PARPBP: variants seen among roughly 807,000 people sequenced by gnomAD.
PARPBP encodes PCNA-interacting partner.
In PARPBP, 52 loss-of-function variants were observed where a neutral mutation model predicts 50.0. The ratio of observed to expected loss-of-function variants is 1.04; its 90% CI spans 0.83 to 1.31. The LOEUF (loss-of-function observed/expected upper bound fraction) is 1.31. Ranked by LOEUF, PARPBP falls within the 50% of genes most tolerant of loss-of-function variation. The pLI is 0.00. For synonymous variants in PARPBP, 244 were observed against 232.1 expected (o/e 1.05, Z -0.47); for missense variants, 697 against 672.0 (o/e 1.04, Z -0.41).
chr12:102,184,046 G>GAAAAAAAAAAAAAAAAAAAAAAAAA (rs71438459), intron 9 of PARPBP, among the ~76,000 whole-genome samples: 1 of 59,976 alleles, frequency 1.7e-5, no homozygotes, highest in African/African-American at 7.2e-5. Context: ...GACTCTATCT[G>GAAAAAAAAAAAAAAAAAAAAAAAAA]AAAAAAAAAA....
At chr12:102,137,668 C>T (rs912696201) in intron 2 of PARPBP, among the ~76,000 whole-genome samples, 21 of 151,892 alleles carry the variant, frequency 1.4e-4, no homozygotes, top group Middle Eastern at 3.4e-3. Flanking sequence ...CCCCACCCCA[C>T]GACAGGCCCC....
At chr12:102,193,376 G>A (rs2137476755) in intron 9 of PARPBP, among the ~76,000 whole-genome samples, 1 of 151,868 alleles carries the variant, frequency 6.6e-6, no homozygotes, top group Non-Finnish European at 1.5e-5. Flanking sequence ...TTTTATGGGT[G>A]GTGCTCATGA....
intron 4 of PARPBP, among the ~76,000 whole-genome samples, chr12:102,161,579 T>C (rs1036332477): frequency 2.0e-5 from 3 of 152,146 alleles, no homozygotes; most frequent in African/African-American, 7.2e-5. Context: ...TAAGGACAGA[T>C]GATTTGCTCT....
chr12:102,167,394 A>T (rs1410628742), intron 6 of PARPBP, among the ~76,000 whole-genome samples: 1 of 151,846 alleles, frequency 6.6e-6, no homozygotes, highest in Non-Finnish European at 1.5e-5. Flanking sequence ...TCTAGATTGG[A>T]TGCTTTTCTG....
At chr12:102,150,619 G>C (rs897679008) in intron 3 of PARPBP, among the ~76,000 whole-genome samples, 3 of 152,178 alleles carry the variant, frequency 2.0e-5, no homozygotes, top group African/African-American at 7.2e-5. Flanking sequence ...GCATCTCGGA[G>C]CATACAAGGC....
intron 4 of PARPBP, among the ~76,000 whole-genome samples, chr12:102,156,482 G>A (rs923080913): frequency 6.6e-6 from 1 of 151,814 alleles, no homozygotes; most frequent in Non-Finnish European, 1.5e-5. Flanking sequence ...GTGAGCCACT[G>A]CGCCCGGCCC....
chr12:102,132,491 C>T (rs1428065589), intron 2 of PARPBP, among the ~76,000 whole-genome samples: 1 of 152,064 alleles, frequency 6.6e-6, no homozygotes, highest in East Asian at 1.9e-4. Context: ...TCTTGGTTCT[C>T]AATTCTGTTC....
At chr12:102,154,458 TA>T (rs1174530031) in intron 4 of PARPBP, among the ~76,000 whole-genome samples, 1 of 152,178 alleles carries the variant, frequency 6.6e-6, no homozygotes, top group East Asian at 1.9e-4. Flanking sequence ...TTCAGCTGAA[TA>T]CTATGCTGGG....
chr12:102,156,370 T>A (rs1886940758), intron 4 of PARPBP, among the ~76,000 whole-genome samples: 1 of 151,164 alleles, frequency 6.6e-6, no homozygotes, highest in Non-Finnish European at 1.5e-5. Flanking sequence ...TTTTTTGTAT[T>A]TTTAGTAGAG....
chr12:102,153,807 A>T, intron 3 of PARPBP, 62 bp from the exon 4 acceptor site: 1 of 860,060 alleles, frequency 1.2e-6, no homozygotes. Context: ...GTAGAGCTTT[A>T]TGTGAAGTAT....
rs1250881081 is a variant in PARPBP, at chr12:102,165,845, C to T, written c.783C>T (p.Asp261=). 6.3e-7 allele frequency: 1 copy of T among 1,575,336 alleles called. No homozygotes were observed. The highest frequency in any genetic ancestry group is 1.7e-5 in the Admixed American group (1 of 59,414). Residue 261 remains aspartate, a synonymous_variant, in exon 6 of 11, where the codon GAC becomes GAT. Coordinates refer to ENST00000327680, the MANE Select transcript of PARPBP (RefSeq NM_017915.5). ...KGLSNFINFI[D]KLDEILGEIP... The stretch of plus-strand genomic sequence containing the variant: ...TGTCTAATTTTATTAATTTCATTGA[C>T]AAATTAGATGAGATTCTTGGAGAAA...
chr12:102,163,476 T>G (rs188269690), intron 4 of PARPBP, among the ~76,000 whole-genome samples: 2 of 152,318 alleles, frequency 1.3e-5, no homozygotes, highest in East Asian at 3.9e-4. Flanking sequence ...TATAAGTTAA[T>G]GTTTTCTACT....
chr12:102,123,828 A>G, intron 1 of PARPBP, 58 bp from the exon 2 acceptor site: 1 of 1,185,298 alleles, frequency 8.4e-7, no homozygotes, highest in Non-Finnish European at 1.2e-6. Context: ...ATACATGTTA[A>G]ATGTTAATTT....
intron 4 of PARPBP, among the ~76,000 whole-genome samples, chr12:102,154,658 G>A (rs1296753359): frequency 6.6e-6 from 1 of 152,036 alleles, no homozygotes; most frequent in Non-Finnish European, 1.5e-5. Context: ...TTACTTTCCA[G>A]CCTGACTCTG....
intron 9 of PARPBP, among the ~76,000 whole-genome samples, chr12:102,190,956 A>T (rs545276675): frequency 1.3e-5 from 2 of 152,270 alleles, no homozygotes; most frequent in African/African-American, 4.8e-5. Flanking sequence ...AGCAAAGTCT[A>T]TAAGGGACTG....
At chr12:102,168,719 A>G (rs947794774) in intron 6 of PARPBP, among the ~76,000 whole-genome samples, 3 of 152,170 alleles carry the variant, frequency 2.0e-5, no homozygotes, top group Admixed American at 6.5e-5. Context: ...ATTTTGAAGG[A>G]TGAACTTGAA....
chr12:102,176,685 T>G (rs879665532), intron 7 of PARPBP, among the ~76,000 whole-genome samples: 4 of 152,230 alleles, frequency 2.6e-5, no homozygotes, highest in Non-Finnish European at 5.9e-5. Flanking sequence ...TTAGGTATGA[T>G]TATGGTAGCC....
rs544839808 is a variant in PARPBP, at chr12:102,126,246, A to G, written c.153+2205A>G. Among the ~76,000 whole-genome samples the G allele has an allele frequency of 3.3e-5, 5 of 152,246 alleles. No individual in the cohort carries two copies. The East Asian group carries it at 9.7e-4, about 29-fold the overall frequency. ...TTTGCGCTCAGGGTTTATAAAAACTAGGTTCTAGAGTGCCAGGGAGTAGTA... is the reference window on the plus strand; with the variant it reads ...TTTGCGCTCAGGGTTTATAAAAACTGGGTTCTAGAGTGCCAGGGAGTAGTA... On this transcript the variant is annotated intron_variant, in intron 2 of 10. Transcript: ENST00000327680.
At chr12:102,161,418 T>C (rs1887575491) in intron 4 of PARPBP, among the ~76,000 whole-genome samples, 1 of 152,170 alleles carries the variant, frequency 6.6e-6, no homozygotes, top group South Asian at 2.1e-4. Context: ...AGGTAAGTTT[T>C]TCTTAATAGA....
Sources: allele counts gnomAD v4.1 joint callset (sites outside exome capture counted in the v4.1 genomes callset), GRCh38; gene constraint gnomAD v4.1.1; transcripts MANE v1.5; gene names NCBI Gene and HGNC (gene_info 2026-07-23, HGNC 2026-07-21).